UNC5C: variants seen among roughly 807,000 people sequenced by gnomAD.
UNC5C encodes unc-5 netrin receptor C, also known as netrin receptor UNC5C.
UNC5C carries 47 observed loss-of-function variants against 99.8 expected under a neutral mutation model. The observed-to-expected ratio is 0.47, with a 90% CI of 0.37 to 0.60. The LOEUF (loss-of-function observed/expected upper bound fraction) is 0.60. Among genes scored for constraint, UNC5C ranks in the 20% least tolerant of loss-of-function variants. The probability of loss-of-function intolerance (pLI) is 0.00; values close to 1 mark genes in which losing one functional copy is unlikely to be tolerated. For synonymous variants in UNC5C, 487 were observed against 452.2 expected (o/e 1.08, Z -0.98); for missense variants, 1,062 against 1,165.9 (o/e 0.91, Z 1.30).
intron 10 of UNC5C, among the ~76,000 whole-genome samples, 155 bp from the exon 11 acceptor site, chr4:95,206,951 C>T (rs1454675322): frequency 7.2e-6 from 1 of 138,424 alleles, no homozygotes; most frequent in Non-Finnish European, 1.5e-5. Flanking sequence ...ATAGGTGATA[C>T]AGAATTAAAT....
chr4:95,178,691 A>G (rs986813943), intron 14 of UNC5C, among the ~76,000 whole-genome samples: 4 of 152,226 alleles, frequency 2.6e-5, no homozygotes, highest in Admixed American at 2.0e-4. Context: ...TCCTGAAATG[A>G]GAGGCCAGTT....
intron 14 of UNC5C, among the ~76,000 whole-genome samples, chr4:95,181,361 C>T (rs547195011): frequency 2.2e-4 from 33 of 152,292 alleles, no homozygotes; most frequent in Middle Eastern, 3.4e-3. Context: ...GCAGCCCTGG[C>T]GCGGGAGAGC....
intron 1 of UNC5C, among the ~76,000 whole-genome samples, chr4:95,525,608 A>AAAAAAAAAAAAG (rs1722479604): frequency 6.6e-6 from 1 of 150,888 alleles, no homozygotes; most frequent in African/African-American, 2.4e-5. Context: ...AAAAAAAAAA[A>AAAAAAAAAAAAG]AAAAAAAAAA....
At chr4:95,319,141 C>G (rs1383140260) in intron 2 of UNC5C, among the ~76,000 whole-genome samples, 1 of 152,196 alleles carries the variant, frequency 6.6e-6, no homozygotes, top group African/African-American at 2.4e-5. Flanking sequence ...AATAACATCT[C>G]TCTTGTACCC....
intron 1 of UNC5C, among the ~76,000 whole-genome samples, chr4:95,467,418 A>G (rs1747817531): frequency 6.6e-6 from 1 of 152,146 alleles, no homozygotes. Context: ...AAAAACAGAG[A>G]GAGAGAATGG....
chr4:95,308,829 A>G (rs1336518358), intron 2 of UNC5C, among the ~76,000 whole-genome samples: 4 of 151,550 alleles, frequency 2.6e-5, no homozygotes, highest in African/African-American at 9.7e-5. Flanking sequence ...GGATTAGAAA[A>G]ACTAATATTG....
Position 95,169,158 on chromosome 4 carries a change from C to T in UNC5C, c.*76G>A, listed in dbSNP as rs1735980767. On this transcript the variant is annotated 3_prime_UTR_variant, in exon 16 of 16. Transcript: ENST00000453304. ...GCATTGGTCTCATCTGGATTTCCTC[C>T]TCAGCTGTGATTCACCTGGACGGCC... 2 of 1,576,350 alleles carry T rather than the reference C, an allele frequency of 1.3e-6. No individual in the cohort carries two copies. The highest frequency in any genetic ancestry group is 1.7e-6 in the Non-Finnish European group (2 of 1,155,548).
At position 95,234,078 on chromosome 4, in the gene UNC5C, T is replaced by G. The variant is rs146782238; in HGVS notation, c.1108+8351A>C. On this transcript the variant is annotated intron_variant, in intron 7 of 15. Coordinates refer to ENST00000453304, the MANE Select transcript of UNC5C (RefSeq NM_003728.4). ...TGAGATTTCTTAAGTGTTTTCTGCT[T>G]CTTCTGTATCTTTCTATGTGTCCTG... Among the ~76,000 whole-genome samples, 1,344 of 152,336 alleles carry G rather than the reference T, an allele frequency of 8.8e-3. 24 individuals are homozygous for G. Among genetic ancestry groups the G allele is most frequent in the African/African-American group, 0.031 (1,270 of 41,584 alleles).
At chr4:95,186,781 G>A (rs1736848399) in intron 12 of UNC5C, among the ~76,000 whole-genome samples, 1 of 152,162 alleles carries the variant, frequency 6.6e-6, no homozygotes, top group Admixed American at 6.5e-5. Flanking sequence ...GCTGGCTGAT[G>A]AGTAGCTATG....
intron 1 of UNC5C, among the ~76,000 whole-genome samples, chr4:95,495,512 A>G (rs1434768010): frequency 1.3e-5 from 2 of 151,710 alleles, no homozygotes; most frequent in Non-Finnish European, 3.0e-5. Flanking sequence ...TAATAAAAAG[A>G]TAATAATTGA....
At chr4:95,536,365 T>G (rs1198051319) in intron 1 of UNC5C, among the ~76,000 whole-genome samples, 1 of 152,106 alleles carries the variant, frequency 6.6e-6, no homozygotes, top group East Asian at 1.9e-4. Flanking sequence ...CATGAGCCAT[T>G]GCGCCCAGCC....
At chr4:95,492,919 T>C (rs890944497) in intron 1 of UNC5C, among the ~76,000 whole-genome samples, 3 of 151,558 alleles carry the variant, frequency 2.0e-5, no homozygotes, top group African/African-American at 7.3e-5. Context: ...GCTAGGCATA[T>C]ATTGAGTAGT....
chr4:95,329,961 T>G (rs999396580), intron 2 of UNC5C, among the ~76,000 whole-genome samples: 1 of 152,172 alleles, frequency 6.6e-6, no homozygotes, highest in African/African-American at 2.4e-5. Flanking sequence ...CATCTAGCAT[T>G]TATTTTATTC....
intron 1 of UNC5C, among the ~76,000 whole-genome samples, chr4:95,543,466 T>TA (rs1722968306): frequency 6.6e-6 from 1 of 152,234 alleles, no homozygotes; most frequent in Non-Finnish European, 1.5e-5. Flanking sequence ...CGAAACTTCC[T>TA]ATTGCAAATA....
At chr4:95,485,207 T>C (rs370232312) in intron 1 of UNC5C, among the ~76,000 whole-genome samples, 1 of 151,792 alleles carries the variant, frequency 6.6e-6, no homozygotes, top group East Asian at 1.9e-4. Flanking sequence ...AGACATGTAA[T>C]TTTTTAAACT....
chr4:95,188,401 C>T (rs937152221), intron 12 of UNC5C, among the ~76,000 whole-genome samples: 3 of 152,172 alleles, frequency 2.0e-5, no homozygotes, highest in Admixed American at 6.5e-5. Flanking sequence ...CCAGCAACTC[C>T]TGGGAAACGA....
intron 3 of UNC5C, among the ~76,000 whole-genome samples, chr4:95,292,259 ATATATAT>A (rs1241872704): frequency 0.021 from 1,929 of 92,348 alleles, 21 homozygotes; most frequent in East Asian, 0.044. Context: ...ATATATATAT[ATATATAT>A]AAATTTTTTT....
intron 7 of UNC5C, among the ~76,000 whole-genome samples, chr4:95,227,896 G>C (rs927928099): frequency 6.6e-6 from 1 of 152,182 alleles, no homozygotes; most frequent in Non-Finnish European, 1.5e-5. Context: ...TGGTAGTAAA[G>C]TGACTTAGGG....
At chr4:95,448,221 T>TGAGAGAGAGAGAGA (rs1284671236) in intron 1 of UNC5C, among the ~76,000 whole-genome samples, 6 of 111,366 alleles carry the variant, frequency 5.4e-5, no homozygotes, top group South Asian at 2.8e-4. Context: ...TGTGTGTGTG[T>TGAGAGAGAGAGAGA]GTGTGTGAGA....
Sources: gnomAD v4.1 joint callset for allele counts (sites outside exome capture counted in the v4.1 genomes callset) on GRCh38, gnomAD v4.1.1 for gene constraint, MANE v1.5 for transcripts, NCBI Gene and HGNC (gene_info 2026-07-23, HGNC 2026-07-21) for gene names.